Variants in PKP4 observed in about 807,000 individuals in gnomAD.
PKP4 encodes the protein plakophilin-4.
A neutral mutation model predicts 145.1 loss-of-function variants in PKP4; 90 were observed. That is an observed-to-expected ratio of 0.62 (90% CI 0.52 to 0.74). The LOEUF (loss-of-function observed/expected upper bound fraction) is 0.74. Ranked by LOEUF, PKP4 falls within the 30% of genes least tolerant of loss-of-function variation. The probability of loss-of-function intolerance (pLI) is 0.00; values close to 1 mark genes in which losing one functional copy is unlikely to be tolerated. For synonymous variants in PKP4, 563 were observed against 577.2 expected (o/e 0.98, Z 0.35); for missense variants, 1,340 against 1,482.7 (o/e 0.90, Z 1.58).
At chr2:158,642,737 T>G in intron 11 of PKP4, 38 bp downstream of exon 11, 2 of 1,486,928 alleles carry the variant, frequency 1.3e-6, no homozygotes, top group Non-Finnish European at 1.8e-6. Flanking sequence ...GAGGAAATGT[T>G]GAAAACAGTC....
intron 1 of PKP4, among the ~76,000 whole-genome samples, chr2:158,519,146 T>C (rs2042149673): frequency 8.1e-6 from 1 of 123,168 alleles, no homozygotes; most frequent in Non-Finnish European, 2.0e-5. Context: ...AATCTCTCTC[T>C]TTTTTTTTTT....
intron 2 of PKP4, among the ~76,000 whole-genome samples, chr2:158,559,111 G>T (rs2046319735): frequency 6.6e-6 from 1 of 152,224 alleles, no homozygotes; most frequent in South Asian, 2.1e-4. Context: ...AGGCTCCAGT[G>T]TGAGTTGTAA....
intron 11 of PKP4, among the ~76,000 whole-genome samples, chr2:158,650,770 C>T (rs1327094838): frequency 1.3e-5 from 2 of 152,182 alleles, no homozygotes. Flanking sequence ...CCCCCGTGCC[C>T]CATGAGGATT....
At chr2:158,572,889 C>T (rs1329221122) in intron 2 of PKP4, among the ~76,000 whole-genome samples, 1 of 152,204 alleles carries the variant, frequency 6.6e-6, no homozygotes, top group Non-Finnish European at 1.5e-5. Context: ...CTGAAACTCT[C>T]ATTTATTACT....
chr2:158,472,336 G>A lies in PKP4; in HGVS notation c.-6+15118G>A, dbSNP rs188678103. On this transcript the variant is annotated intron_variant, in intron 1 of 21. Coordinates refer to ENST00000389759, the MANE Select transcript of PKP4 (RefSeq NM_003628.6). ...TTTAAAAAGTAGAATTAGGCCGGGC[G>A]TGGTGGCTCACGCCTGTAATCCCAA... is the stretch of plus-strand genomic sequence containing the variant. 8.9e-3 allele frequency among the ~76,000 whole-genome samples: 1,355 copies of A among 152,154 alleles called. 20 individuals carry two copies. Among genetic ancestry groups the A allele is most frequent in the African/African-American group, 0.03 (1,239 of 41,532 alleles).
intron 9 of PKP4, among the ~76,000 whole-genome samples, chr2:158,635,912 G>A (rs2053769718): frequency 1.1e-5 from 1 of 88,878 alleles, no homozygotes. Context: ...TTTGAAAATA[G>A]CAATTTGAAG....
In PKP4 at chr2:158,631,919, G is replaced by T. The variant is rs184996602; in HGVS notation, c.1320G>T (p.Thr440=). 2.5e-6 allele frequency: 4 copies of T among 1,613,752 alleles called. No individual in the cohort carries two copies. Among genetic ancestry groups the T allele is most frequent in the Non-Finnish European group, 3.4e-6 (4 of 1,180,002 alleles). ...HGTVELQGSQ[T]ALYRTGSVGI... Reference sequence around the variant, plus strand: ...CTGTGGAGCTCCAAGGATCGCAGACGGCGTTGTATCGCACAGGTTCAGGTG... The same window carrying T: ...CTGTGGAGCTCCAAGGATCGCAGACTGCGTTGTATCGCACAGGTTCAGGTG... The change falls in exon 8 of 22, where the codon ACG becomes ACT. Residue 440 remains threonine, a synonymous_variant. Coordinates refer to ENST00000389759, the MANE Select transcript of PKP4 (RefSeq NM_003628.6).
At chr2:158,670,529 A>C (rs1006573715) in intron 17 of PKP4, among the ~76,000 whole-genome samples, 30 of 152,178 alleles carry the variant, frequency 2.0e-4, no homozygotes, top group Admixed American at 1.4e-3. Context: ...AGCAGTCCCT[A>C]AAGCCACAAC....
At chr2:158,636,461 T>C (rs2053818346) in intron 9 of PKP4, among the ~76,000 whole-genome samples, 1 of 152,170 alleles carries the variant, frequency 6.6e-6, no homozygotes, top group Admixed American at 6.5e-5. Flanking sequence ...TTTCTCTAGC[T>C]TTCAGCTGTT....
At chr2:158,596,376 ACTTAGGAT>A (rs2049742056) in intron 3 of PKP4, among the ~76,000 whole-genome samples, 1 of 152,200 alleles carries the variant, frequency 6.6e-6, no homozygotes, top group African/African-American at 2.4e-5. Flanking sequence ...CTTGTGTGGA[ACTTAGGAT>A]CAGAGCTCAA....
chr2:158,506,364 T>A (rs1308200777), intron 1 of PKP4, among the ~76,000 whole-genome samples: 1 of 152,218 alleles, frequency 6.6e-6, no homozygotes, highest in Non-Finnish European at 1.5e-5. Flanking sequence ...GGTATTTAAG[T>A]AAAGGTATTA....
At chr2:158,483,432 A>G (rs1173808740) in intron 1 of PKP4, among the ~76,000 whole-genome samples, 1 of 151,320 alleles carries the variant, frequency 6.6e-6, no homozygotes, top group Non-Finnish European at 1.5e-5. Flanking sequence ...TGGATCTCCA[A>G]CTTGCTGTTT....
chr2:158,500,610 G>A (rs954540142), intron 1 of PKP4, among the ~76,000 whole-genome samples: 3 of 152,170 alleles, frequency 2.0e-5, no homozygotes, highest in Admixed American at 6.5e-5. Context: ...TTCCAATTCA[G>A]AGCCCGTGCC....
intron 17 of PKP4, among the ~76,000 whole-genome samples, chr2:158,672,076 G>T (rs1179058235): frequency 6.6e-6 from 1 of 152,216 alleles, no homozygotes; most frequent in African/African-American, 2.4e-5. Flanking sequence ...CCCCAGCGTG[G>T]TGATCTGACG....
intron 1 of PKP4, among the ~76,000 whole-genome samples, chr2:158,530,147 G>A (rs1423249203): frequency 2.6e-5 from 4 of 152,182 alleles, no homozygotes; most frequent in Non-Finnish European, 4.4e-5. Context: ...CGCTGCCACA[G>A]ACATTAGGCC....
chr2:158,573,836 G>A (rs1254214826), intron 2 of PKP4, among the ~76,000 whole-genome samples: 1 of 152,222 alleles, frequency 6.6e-6, no homozygotes, highest in East Asian at 1.9e-4. Flanking sequence ...GCAAATCTGG[G>A]CCTGGTCTTT....
intron 14 of PKP4, 57 bp downstream of exon 14, chr2:158,663,145 TCA>T: frequency 2.0e-6 from 3 of 1,525,072 alleles, no homozygotes; most frequent in Non-Finnish European, 2.7e-6. Flanking sequence ...GAGTGAGGAA[TCA>T]CATATTTGGC....
intron 1 of PKP4, among the ~76,000 whole-genome samples, chr2:158,489,876 C>T (rs996563434): frequency 1.3e-5 from 2 of 152,116 alleles, no homozygotes; most frequent in Non-Finnish European, 2.9e-5. Context: ...GTCTGGATTC[C>T]TCAAGTGTGG....
At chr2:158,669,401 A>G (rs994290398) in intron 16 of PKP4, 19 of 192,212 alleles carry the variant, frequency 9.9e-5, no homozygotes, top group Non-Finnish European at 1.8e-4. Flanking sequence ...TCATTACTCA[A>G]TGTTACTGAA....
Sources: allele counts gnomAD v4.1 joint callset (sites outside exome capture counted in the v4.1 genomes callset), GRCh38; gene constraint gnomAD v4.1.1; transcripts MANE v1.5; gene names NCBI Gene and HGNC (gene_info 2026-07-23, HGNC 2026-07-21).